The following MAMDC2 variants were observed in gnomAD, a reference collection of about 807,000 sequenced individuals.
MAMDC2 encodes MAM domain-containing protein 2.
A neutral mutation model predicts 89.8 loss-of-function variants in MAMDC2; 57 were observed. The ratio of observed to expected loss-of-function variants is 0.63; its 90% CI spans 0.51 to 0.79. The LOEUF (loss-of-function observed/expected upper bound fraction) is 0.79, where lower values mean the gene tolerates loss of function less well. Among genes scored for constraint, MAMDC2 ranks in the 30% least tolerant of loss-of-function variants. The pLI, the probability that MAMDC2 is intolerant of heterozygous loss-of-function variation, is 0.00. For synonymous variants in MAMDC2, 313 were observed against 293.4 expected (o/e 1.07, Z -0.68); for missense variants, 800 against 820.6 (o/e 0.97, Z 0.31).
chr9:70,164,207 C>T (rs1448306288), intron 9 of MAMDC2, among the ~76,000 whole-genome samples: 1 of 152,086 alleles, frequency 6.6e-6, no homozygotes, highest in African/African-American at 2.4e-5. Context: ...TCCTACAATG[C>T]ACAGGGCAGT....
chr9:70,128,737 A>G (rs1016583825), intron 6 of MAMDC2, among the ~76,000 whole-genome samples: 1 of 152,072 alleles, frequency 6.6e-6, no homozygotes, highest in Non-Finnish European at 1.5e-5. Context: ...GCTCACTGCA[A>G]CCTCTGCCTC....
intron 4 of MAMDC2, among the ~76,000 whole-genome samples, chr9:70,111,886 T>C (rs765707720): frequency 6.6e-6 from 1 of 152,206 alleles, no homozygotes; most frequent in Non-Finnish European, 1.5e-5. Context: ...TTATCTTCTT[T>C]TGGTCTGAAA....
intron 2 of MAMDC2, chr9:70,093,774 T>C (rs984689447): frequency 6.6e-6 from 1 of 152,162 alleles, no homozygotes; most frequent in Non-Finnish European, 1.5e-5. Flanking sequence ...ATATCTTCCC[T>C]ACCTGACAAA....
intron 11 of MAMDC2, among the ~76,000 whole-genome samples, chr9:70,188,007 T>C (rs1341194854): frequency 6.6e-6 from 1 of 152,168 alleles, no homozygotes; most frequent in Non-Finnish European, 1.5e-5. Context: ...ACTAGCAGTG[T>C]ATTAGGGTTT....
chr9:70,146,229 C>A (rs1348691958), intron 9 of MAMDC2, among the ~76,000 whole-genome samples: 2 of 152,306 alleles, frequency 1.3e-5, no homozygotes, highest in African/African-American at 4.8e-5. Context: ...TGGAGGCCAA[C>A]TACCAAGCCG....
chr9:70,163,227 TTC>T (rs536346435), intron 9 of MAMDC2, among the ~76,000 whole-genome samples: 37 of 65,758 alleles, frequency 5.6e-4, no homozygotes, highest in Non-Finnish European at 9.2e-4. Flanking sequence ...ATTTCTTTCT[TTC>T]TTTTTTTTTT....
At chr9:70,117,875 T>C (rs185606874) in intron 5 of MAMDC2, among the ~76,000 whole-genome samples, 1 of 152,348 alleles carries the variant, frequency 6.6e-6, no homozygotes, top group East Asian at 1.9e-4. Context: ...ATTATCTGAA[T>C]ACCAAAATGC....
intron 9 of MAMDC2, among the ~76,000 whole-genome samples, chr9:70,146,826 C>T (rs968225744): frequency 1.3e-5 from 2 of 151,660 alleles, no homozygotes; most frequent in African/African-American, 4.8e-5. Context: ...TCCCAGCTAC[C>T]CATGAGGCTG....
At chr9:70,133,960 C>CT (rs1211451229) in intron 7 of MAMDC2, among the ~76,000 whole-genome samples, 2 of 152,206 alleles carry the variant, frequency 1.3e-5, no homozygotes, top group Non-Finnish European at 2.9e-5. Flanking sequence ...GTGGGCCAGA[C>CT]TGAGTCTTTA....
At chr9:70,221,356 A>AAT (rs1215738162) in intron 12 of MAMDC2, among the ~76,000 whole-genome samples, 154 of 9,412 alleles carry the variant, frequency 0.016, 29 homozygotes, top group African/African-American at 0.042. Flanking sequence ...CCAAACAACA[A>AAT]ATATATATAT....
intron 7 of MAMDC2, among the ~76,000 whole-genome samples, chr9:70,135,785 G>A (rs1389800396): frequency 1.3e-5 from 2 of 152,042 alleles, no homozygotes; most frequent in Non-Finnish European, 2.9e-5. Flanking sequence ...TATACTGTAT[G>A]GATTTGGACA....
In MAMDC2 at chr9:70,213,892, T is replaced by C. The variant is rs141214772; in HGVS notation, c.1652-4445T>C. On this transcript the variant is annotated intron_variant, in intron 11 of 13. Transcript: ENST00000377182. ...CCTTGGATCATCATAGTCAAGTGCA[T>C]ATCTCACCGCCAAGAACTTCACACA... 1.4e-4 allele frequency among the ~76,000 whole-genome samples: 22 copies of C among 152,324 alleles called. No homozygotes were observed. The East Asian group carries it at 3.1e-3, about 21-fold the overall frequency.
At chr9:70,144,974 G>C (rs899386966) in intron 9 of MAMDC2, among the ~76,000 whole-genome samples, 9 of 152,158 alleles carry the variant, frequency 5.9e-5, no homozygotes, top group Non-Finnish European at 4.4e-5. Context: ...GTTAATCAAA[G>C]ATCTCTGAAA....
chr9:70,089,415 TA>T (rs1300350533), intron 2 of MAMDC2, among the ~76,000 whole-genome samples: 2 of 152,306 alleles, frequency 1.3e-5, no homozygotes, highest in African/African-American at 4.8e-5. Context: ...ATTTTATGCA[TA>T]TTTGAATTTT....
intron 2 of MAMDC2, among the ~76,000 whole-genome samples, chr9:70,085,631 T>G (rs890437076): frequency 6.6e-6 from 1 of 152,054 alleles, no homozygotes; most frequent in African/African-American, 2.4e-5. Flanking sequence ...TCTGAGGCAT[T>G]CATAACTTGC....
intron 11 of MAMDC2, among the ~76,000 whole-genome samples, chr9:70,205,020 C>T (rs954268302): frequency 6.6e-6 from 1 of 152,226 alleles, no homozygotes; most frequent in African/African-American, 2.4e-5. Flanking sequence ...CGTCTTCTGC[C>T]TCGCTCACGC....
chr9:70,053,609 G>A (rs1017948726), intron 2 of MAMDC2, among the ~76,000 whole-genome samples: 4 of 152,160 alleles, frequency 2.6e-5, no homozygotes, highest in South Asian at 4.1e-4. Context: ...AGTGAAGGAG[G>A]TATTGGAAGG....
intron 11 of MAMDC2, among the ~76,000 whole-genome samples, chr9:70,210,773 T>C (rs1217776253): frequency 6.8e-6 from 1 of 147,110 alleles, no homozygotes; most frequent in Non-Finnish European, 1.5e-5. Flanking sequence ...TGGTACCGGT[T>C]GTTCCTTTTC....
chr9:70,100,304 T>C (rs1342201297), intron 2 of MAMDC2, among the ~76,000 whole-genome samples: 1 of 152,212 alleles, frequency 6.6e-6, no homozygotes, highest in Non-Finnish European at 1.5e-5. Context: ...ACATTGTTTC[T>C]AAGTGGCGTG....
Sources: gnomAD v4.1 joint callset for allele counts (sites outside exome capture counted in the v4.1 genomes callset) on GRCh38, gnomAD v4.1.1 for gene constraint, MANE v1.5 for transcripts, NCBI Gene and HGNC (gene_info 2026-07-23, HGNC 2026-07-21) for gene names.